ZNF385B: variants seen among roughly 807,000 people sequenced by gnomAD.
ZNF385B encodes the protein zinc finger protein 385B, also known as zinc finger protein 533.
Under a neutral mutation model 39.2 loss-of-function variants are expected in ZNF385B, and 23 were observed. The observed-to-expected ratio is 0.59, with a 90% confidence interval of 0.42 to 0.83. The LOEUF (loss-of-function observed/expected upper bound fraction) is 0.83. Among genes scored for constraint, ZNF385B ranks in the 40% least tolerant of loss-of-function variants. The pLI is 0.00. For missense variants in ZNF385B, 552 were observed against 598.9 expected (o/e 0.92, Z 0.82); for synonymous variants, 205 against 222.6 (o/e 0.92, Z 0.70).
rs1484792849 is a variant in ZNF385B, at chr2:179,581,897, C to T, written c.299-36928G>A. Among the ~76,000 whole-genome samples the T allele has an allele frequency of 2.6e-5, 4 of 152,282 alleles. No individual in the cohort carries two copies. In the East Asian group the frequency reaches 7.7e-4, roughly 29 times the overall value. ...GCAACAACATGGAGTAGACTGGGCT[C>T]CCGATAAGCTGTAATACCATTTCTG... On this transcript the variant is annotated intron_variant, in intron 3 of 9. Transcript: ENST00000410066.
chr2:179,837,454 T>C (rs1708314831), intron 1 of ZNF385B, among the ~76,000 whole-genome samples: 1 of 152,212 alleles, frequency 6.6e-6, no homozygotes, highest in Non-Finnish European at 1.5e-5. Flanking sequence ...TAGCATCTCT[T>C]TTCTAAAGCA....
intron 3 of ZNF385B, among the ~76,000 whole-genome samples, chr2:179,710,674 T>G (rs925676290): frequency 1.3e-5 from 2 of 152,218 alleles, no homozygotes; most frequent in African/African-American, 4.8e-5. Flanking sequence ...TTGTGTCTTG[T>G]TAAATGGCCA....
At chr2:179,450,514 G>A (rs929543022) in intron 6 of ZNF385B, among the ~76,000 whole-genome samples, 3 of 152,160 alleles carry the variant, frequency 2.0e-5, no homozygotes, top group African/African-American at 7.2e-5. Flanking sequence ...CATCATCACT[G>A]GCCATCAGAG....
At chr2:179,585,054 C>A (rs1686945206) in intron 3 of ZNF385B, among the ~76,000 whole-genome samples, 1 of 151,996 alleles carries the variant, frequency 6.6e-6, no homozygotes, top group Non-Finnish European at 1.5e-5. Flanking sequence ...ACATTGGTGA[C>A]CTTTGCCAGA....
chr2:179,510,600 T>G (rs1428680705), intron 5 of ZNF385B, among the ~76,000 whole-genome samples: 1 of 152,160 alleles, frequency 6.6e-6, no homozygotes, highest in African/African-American at 2.4e-5. Flanking sequence ...TCAATATATT[T>G]TTTAACCCTC....
chr2:179,774,756 G>C (rs1704215926), intron 1 of ZNF385B, among the ~76,000 whole-genome samples: 1 of 152,160 alleles, frequency 6.6e-6, no homozygotes, highest in South Asian at 2.1e-4. Context: ...TGCTCCCCAA[G>C]GAAAAAGTAT....
In ZNF385B at chr2:179,689,596, C is replaced by T. The variant is rs76204489; in HGVS notation, c.298+79907G>A. ...GGTCTACAGGACCATGGCAGTGAAG[C>T]TCTATGCAATGGATATTTTCCATTT... On this transcript the variant is annotated intron_variant, in intron 3 of 9. Coordinates refer to ENST00000410066, the MANE Select transcript of ZNF385B (RefSeq NM_152520.6). Among the ~76,000 whole-genome samples, 1,302 of 152,260 alleles carry T rather than the reference C, an allele frequency of 8.6e-3. 19 individuals are homozygous for T. Among genetic ancestry groups the T allele is most frequent in the African/African-American group, 0.03 (1,229 of 41,558 alleles).
intron 3 of ZNF385B, among the ~76,000 whole-genome samples, chr2:179,608,826 T>C (rs1295287044): frequency 6.7e-6 from 1 of 148,736 alleles, no homozygotes; most frequent in Non-Finnish European, 1.5e-5. Flanking sequence ...CAATGTAAGT[T>C]CCTGAAGGGC....
rs946044655 is a variant in ZNF385B at position 179,549,964 on chromosome 2, C to T, written c.299-4995G>A. Among the ~76,000 whole-genome samples the T allele has an allele frequency of 4.6e-4, 69 of 148,940 alleles. 2 individuals are homozygous for T. The highest frequency in any genetic ancestry group is 4.5e-3 in the Admixed American group (68 of 14,962). ...CCACCCTGTATTTAATTACACATTA[C>T]TCTTCAAATTAGGTAATGTTAACTT... is the stretch of plus-strand genomic sequence containing the variant. On this transcript the variant is annotated intron_variant, in intron 3 of 9. Transcript: ENST00000410066.
chr2:179,769,552 C>A lies in ZNF385B; in HGVS notation c.249G>T (p.Gly83=). The A allele has an allele frequency of 6.2e-7, 1 of 1,614,134 alleles. No homozygotes were observed. The highest frequency in any genetic ancestry group is 8.5e-7 in the Non-Finnish European group (1 of 1,180,028). ...TGGCCTGGGCGGGTGGTGGGGGCTG[C>A]CCATCACTCAGCTGCTTCACTCGTT... The part of the protein sequence containing the change: ...HRKRVKQLSD[G]QPPPPAQASP... Residue 83 remains glycine (G), a synonymous_variant, in exon 3 of 10, where the codon GGG becomes GGT. Coordinates refer to ENST00000410066, the MANE Select transcript of ZNF385B (RefSeq NM_152520.6).
At chr2:179,507,649 T>A (rs1429035021) in intron 5 of ZNF385B, among the ~76,000 whole-genome samples, 3 of 152,168 alleles carry the variant, frequency 2.0e-5, no homozygotes, top group Non-Finnish European at 4.4e-5. Context: ...TAACCAGATA[T>A]AGGAGGGTAT....
chr2:179,485,900 A>T (rs1417987986), intron 5 of ZNF385B, among the ~76,000 whole-genome samples: 1 of 152,160 alleles, frequency 6.6e-6, no homozygotes, highest in Non-Finnish European at 1.5e-5. Context: ...CTGACTATAC[A>T]TGGTCCCTAA....
At chr2:179,473,524 T>C (rs1310070614) in intron 6 of ZNF385B, among the ~76,000 whole-genome samples, 1 of 152,172 alleles carries the variant, frequency 6.6e-6, no homozygotes, top group Non-Finnish European at 1.5e-5. Context: ...AGCACTCCCA[T>C]TTCTGAAAAA....
intron 5 of ZNF385B, among the ~76,000 whole-genome samples, chr2:179,485,655 TA>T (rs1204784689): frequency 2.0e-5 from 3 of 152,228 alleles, no homozygotes; most frequent in Non-Finnish European, 4.4e-5. Flanking sequence ...TGCAGTGAGT[TA>T]AACATCATAT....
At chr2:179,713,606 C>T (rs1201304095) in intron 3 of ZNF385B, among the ~76,000 whole-genome samples, 2 of 152,174 alleles carry the variant, frequency 1.3e-5, no homozygotes, top group East Asian at 3.9e-4. Flanking sequence ...ATATTGGCTG[C>T]ACCCATTTCA....
chr2:179,667,552 A>G (rs1429235181), intron 3 of ZNF385B, among the ~76,000 whole-genome samples: 5 of 152,166 alleles, frequency 3.3e-5, no homozygotes. Flanking sequence ...GGTGTGGGTC[A>G]CTGATTTCGG....
chr2:179,749,951 A>G (rs1702579605), intron 3 of ZNF385B, among the ~76,000 whole-genome samples: 1 of 152,164 alleles, frequency 6.6e-6, no homozygotes, highest in Admixed American at 6.6e-5. Context: ...CTTCACTAAA[A>G]AAGGGTCAAC....
chr2:179,826,048 C>A (rs1437230124), intron 1 of ZNF385B, among the ~76,000 whole-genome samples: 2 of 152,160 alleles, frequency 1.3e-5, no homozygotes, highest in African/African-American at 4.8e-5. Flanking sequence ...TTTACATCAC[C>A]TCTGTGAGCC....
chr2:179,451,439 C>A (rs368148151), intron 6 of ZNF385B, among the ~76,000 whole-genome samples: 3 of 151,736 alleles, frequency 2.0e-5, no homozygotes, highest in East Asian at 3.9e-4. Context: ...TCAATTGAGC[C>A]AGAAGGCAGA....
Sources: gnomAD v4.1 joint callset for allele counts (sites outside exome capture counted in the v4.1 genomes callset) on GRCh38, gnomAD v4.1.1 for gene constraint, MANE v1.5 for transcripts, NCBI Gene and HGNC (gene_info 2026-07-23, HGNC 2026-07-21) for gene names.